FHAD1: variants seen among roughly 807,000 people sequenced by gnomAD.
FHAD1 encodes forkhead associated phosphopeptide binding domain 1.
Under a neutral mutation model 191.3 loss-of-function variants are expected in FHAD1, and 146 were observed. The ratio of observed to expected loss-of-function variants is 0.76; its 90% confidence interval spans 0.67 to 0.88. The LOEUF is 0.88. Among genes scored for constraint, FHAD1 ranks in the 40% least tolerant of loss-of-function variants. The probability of loss-of-function intolerance (pLI) is 0.00; values close to 1 mark genes in which losing one functional copy is unlikely to be tolerated. For missense variants in FHAD1, 1,635 were observed against 1,785.8 expected (o/e 0.92, Z 1.52); for synonymous variants, 616 against 672.3 (o/e 0.92, Z 1.29).
At chr1:15,313,281 C>CT (rs1392758882) in intron 8 of FHAD1, 94 bp downstream of exon 8, 5 of 1,051,570 alleles carry the variant, frequency 4.8e-6, no homozygotes, top group Middle Eastern at 3.3e-4. Context: ...ACCCTGGGCC[C>CT]TTAGTTTAAA....
At chr1:15,360,098 G>A (rs1694277609) in intron 21 of FHAD1, among the ~76,000 whole-genome samples, 1 of 152,208 alleles carries the variant, frequency 6.6e-6, no homozygotes, top group Non-Finnish European at 1.5e-5. Context: ...GGGTGACAGA[G>A]CAAGACTCTG....
chr1:15,393,404 A>G (rs891699799), intron 33 of FHAD1, among the ~76,000 whole-genome samples: 12 of 147,016 alleles, frequency 8.2e-5, no homozygotes, highest in Admixed American at 8.0e-4. Context: ...AGCCATATCT[A>G]CATAGATGTG....
rs1269388688 is a variant in FHAD1 at position 15,360,512 on chromosome 1, A to C, written c.2771A>C (p.Lys924Thr). 2.6e-6 allele frequency: 4 copies of C among 1,551,630 alleles called. No individual in the cohort carries two copies. The South Asian group carries it at 4.8e-5, about 18-fold the overall frequency. Residue 924 changes from lysine to threonine, a missense_variant, in exon 22 of 34, where the codon AAG (lysine) becomes ACG (threonine). Lys to Thr is a moderately conservative substitution (Grantham distance 78). Coordinates refer to ENST00000688493, the MANE Select transcript of FHAD1 (RefSeq NM_001391957.1). ...MVEERLILQQ[K>T]MVKALQDEQE... ...GAAGAGCGGCTAATCCTGCAGCAGA[A>C]GATGGTAAAGGCCCTCCAGGATGAG...
At chr1:15,383,790 T>C (rs940712383) in intron 31 of FHAD1, 2 of 382,092 alleles carry the variant, frequency 5.2e-6, no homozygotes, top group African/African-American at 4.2e-5. Flanking sequence ...CCTGGTACGA[T>C]GATCCCTATT....
rs986204492 is a variant in FHAD1 at position 15,301,374 on chromosome 1, A to T, written c.848A>T (p.Gln283Leu). The change falls in exon 6 of 34, where the codon CAG (glutamine) becomes CTG (leucine). Residue 283 changes from glutamine (Q) to leucine (L), a missense_variant. Physicochemically the swap from Gln to Leu is moderately radical, Grantham distance 113. Coordinates refer to ENST00000688493, the MANE Select transcript of FHAD1 (RefSeq NM_001391957.1). ...TSRQNEKEIS[Q>L]KCQVLDEDID... ...AGGCAGAATGAGAAGGAGATCTCGC[A>T]GAAGTGTCAGGTTCTGGATGAAGAC... 3.2e-6 allele frequency: 5 copies of T among 1,551,676 alleles called. No individual in the cohort carries two copies. Among genetic ancestry groups the T allele is most frequent in the Non-Finnish European group, 3.5e-6 (4 of 1,147,016 alleles).
At position 15,381,793 on chromosome 1, in the gene FHAD1, A is replaced by G. The variant is rs1262121936; in HGVS notation, c.4023-235A>G. Among the ~76,000 whole-genome samples the G allele has an allele frequency of 1.3e-5, 2 of 151,990 alleles. No individual in the cohort carries two copies. Among genetic ancestry groups the G allele is most frequent in the African/African-American group, 4.8e-5 (2 of 41,390 alleles). On this transcript the variant is annotated intron_variant, in intron 30 of 33. Transcript: ENST00000688493. This position sits in a 1 kb window ranked among gnomAD's most constrained non-coding sequence, Gnocchi z 4.6. ...AGTCGCAGTTCCCCACTCCCCAGGA[A>G]GTCAGGAGGGGCTGGTAGCACATCC...
intron 14 of FHAD1, among the ~76,000 whole-genome samples, chr1:15,334,012 T>G (rs1682900544): frequency 6.6e-6 from 1 of 151,890 alleles, no homozygotes; most frequent in Admixed American, 6.6e-5. Flanking sequence ...TTGTGTTTTT[T>G]GTAGAGACGC....
intron 3 of FHAD1, among the ~76,000 whole-genome samples, chr1:15,279,023 C>A (rs1354019905): frequency 1.3e-5 from 2 of 152,084 alleles, no homozygotes; most frequent in Non-Finnish European, 2.9e-5. Context: ...GCTGCTGTAG[C>A]TAGAGAACTG....
At chr1:15,331,480 GTGGATTGATGGATGGA>G (rs1681418213) in intron 14 of FHAD1, among the ~76,000 whole-genome samples, 1 of 117,660 alleles carries the variant, frequency 8.5e-6, no homozygotes, top group Non-Finnish European at 1.8e-5. Context: ...GGGTGGGTGG[GTGGATTGATGGATGGA>G]TGGATGGATG....
chr1:15,345,274 G>A (rs1051712198), intron 17 of FHAD1, 84 bp downstream of exon 17: 17 of 1,374,092 alleles, frequency 1.2e-5, no homozygotes, highest in East Asian at 7.5e-5. Context: ...TGGGCCCGCC[G>A]GCTCTGAGCT....
At chr1:15,250,857 A>C (rs1454773160) in intron 1 of FHAD1, among the ~76,000 whole-genome samples, 1 of 152,190 alleles carries the variant, frequency 6.6e-6, no homozygotes, top group East Asian at 1.9e-4. Context: ...TGAATGAATA[A>C]AATAAGCTCT....
At chr1:15,359,648 G>A (rs1694028943) in intron 21 of FHAD1, among the ~76,000 whole-genome samples, 1 of 151,976 alleles carries the variant, frequency 6.6e-6, no homozygotes, top group Non-Finnish European at 1.5e-5. Flanking sequence ...AAGAGTTTGA[G>A]ACCAGCCTGG....
intron 2 of FHAD1, among the ~76,000 whole-genome samples, chr1:15,255,521 T>G (rs1048301553): frequency 2.0e-5 from 3 of 152,156 alleles, no homozygotes; most frequent in African/African-American, 7.2e-5. Flanking sequence ...CAGCCTGGTT[T>G]TTGCCGTTAT....
At chr1:15,251,323 G>A (rs1438210207) in intron 1 of FHAD1, among the ~76,000 whole-genome samples, 1 of 151,618 alleles carries the variant, frequency 6.6e-6, no homozygotes, top group East Asian at 1.9e-4. Context: ...AGGAAACTGA[G>A]TCACAGAGAG....
chr1:15,349,672 A>G (rs556803756), intron 19 of FHAD1, among the ~76,000 whole-genome samples: 1 of 152,254 alleles, frequency 6.6e-6, no homozygotes, highest in Admixed American at 6.5e-5. Flanking sequence ...CAAAGAGCAC[A>G]AAGAGAGATG....
chr1:15,274,344 A>G (rs1399481823), intron 3 of FHAD1, among the ~76,000 whole-genome samples: 1 of 152,164 alleles, frequency 6.6e-6, no homozygotes, highest in Admixed American at 6.5e-5. Context: ...ATGGTGGCTC[A>G]CACCTGTAAT....
chr1:15,331,146 A>T (rs545385486), intron 14 of FHAD1, among the ~76,000 whole-genome samples: 1 of 152,092 alleles, frequency 6.6e-6, no homozygotes, highest in Non-Finnish European at 1.5e-5. Context: ...CAGAGCAAGG[A>T]ATGCAGGATG....
downstream of FHAD1, among the ~76,000 whole-genome samples, chr1:15,399,513 C>A (rs1706930583): frequency 6.6e-6 from 1 of 152,058 alleles, no homozygotes; most frequent in Admixed American, 6.6e-5. Flanking sequence ...CTGCAGTGAG[C>A]TATGACTGTA....
Position 15,296,788 on chromosome 1 carries a change from G to A in FHAD1, c.673G>A (p.Asp225Asn), listed in dbSNP as rs1667130270. The stretch of plus-strand genomic sequence containing the variant: ...TGTGGAGGAGGACTTGGCCCAGCAG[G>A]ACAAGGTGAGGGAGGGGTCTGGGGA... The part of the protein sequence containing the change: ...IYVEEDLAQQ[D>N]KDEIILLLGK... The change falls in exon 5 of 34, where the codon GAC (aspartate) becomes AAC (asparagine). Residue 225 changes from aspartate to asparagine, a missense_variant. By Grantham distance (23) the Asp-to-Asn change is conservative (BLOSUM62 1). Transcript: ENST00000688493. The A allele has an allele frequency of 6.4e-7, 1 of 1,551,138 alleles. No individual in the cohort carries two copies. The highest frequency in any genetic ancestry group is 1.2e-5 in the South Asian group (1 of 84,054).
Sources: allele counts gnomAD v4.1 joint callset (sites outside exome capture counted in the v4.1 genomes callset), GRCh38; gene constraint gnomAD v4.1.1; non-coding constraint Gnocchi (gnomAD v3.1); transcripts MANE v1.5; gene names NCBI Gene and HGNC (gene_info 2026-07-23, HGNC 2026-07-21).